MYO1F: variants seen among roughly 807,000 people sequenced by gnomAD.
MYO1F encodes unconventional myosin-If.
A neutral mutation model predicts 146.6 loss-of-function variants in MYO1F; 60 were observed. The observed-to-expected ratio is 0.41, with a 90% CI of 0.33 to 0.51. MYO1F has a LOEUF of 0.51. Among genes scored for constraint, MYO1F ranks in the 20% least tolerant of loss-of-function variants. MYO1F has a pLI of 0.25. For synonymous variants in MYO1F, 602 were observed against 602.1 expected (o/e 1.00, Z 0.00); for missense variants, 1,274 against 1,534.3 (o/e 0.83, Z 2.83).
chr19:8,572,009 C>T (rs2042119781), intron 1 of MYO1F, among the ~76,000 whole-genome samples: 1 of 152,166 alleles, frequency 6.6e-6, no homozygotes, highest in African/African-American at 2.4e-5. Flanking sequence ...AGGCGTAAGC[C>T]ACCGCGCCTG....
chr19:8,541,984 TAGG>T lies in MYO1F; in HGVS notation c.1529_1531del (p.Ser510del). 1 of 1,613,182 alleles carries T rather than the reference TAGG, an allele frequency of 6.2e-7. No homozygotes were observed. Among genetic ancestry groups the T allele is most frequent in the African/African-American group, 1.3e-5 (1 of 74,998 alleles). On this transcript the variant is annotated inframe_deletion, in exon 15 of 28. Coordinates refer to ENST00000644032, the MANE Select transcript of MYO1F (RefSeq NM_012335.4). ...CCTCTCGCAGAAGCCGCTGACGTCG[TAGG>T]AGACCTGGAGGGGACAGTGCTGAGG...
At chr19:8,540,764 A>G (rs371386719) in intron 15 of MYO1F, among the ~76,000 whole-genome samples, 9 of 151,926 alleles carry the variant, frequency 5.9e-5, no homozygotes, top group Admixed American at 2.0e-4. Context: ...AATTCTGTGA[A>G]TTTGCTAAAC....
intron 13 of MYO1F, 71 bp downstream of exon 13, chr19:8,545,579 T>TC: frequency 7.8e-7 from 1 of 1,285,608 alleles, no homozygotes. Context: ...CCCTTGGCCC[T>TC]CCCCCTCATC....
intron 1 of MYO1F, among the ~76,000 whole-genome samples, chr19:8,556,263 C>T (rs1185500176): frequency 6.6e-6 from 1 of 150,940 alleles, no homozygotes; most frequent in Non-Finnish European, 1.5e-5. Flanking sequence ...CTCCTGACTT[C>T]AAGTGATCCA....
rs1282173816 is a variant in MYO1F, at chr19:8,521,318, G to A, written c.*210C>T. ...CAGAAATGGAGAATGGGCAGCAGGT[G>A]TGATGTTGGAGGAAGACCAGGGCCC... On this transcript the variant is annotated 3_prime_UTR_variant, in exon 28 of 28. Coordinates refer to ENST00000644032, the MANE Select transcript of MYO1F (RefSeq NM_012335.4). 3.3e-6 allele frequency: 2 copies of A among 614,814 alleles called. No homozygotes were observed. The highest frequency in any genetic ancestry group is 3.7e-5 in the African/African-American group (2 of 54,560). The allele number at this position is 614,814 out of a possible 1,614,324, so 38.1% of individuals were successfully genotyped here.
intron 1 of MYO1F, among the ~76,000 whole-genome samples, chr19:8,568,660 G>C (rs914424269): frequency 6.6e-6 from 1 of 151,924 alleles, no homozygotes; most frequent in African/African-American, 2.4e-5. Flanking sequence ...GGTGGCTCAC[G>C]CCTGTAATCC....
intron 1 of MYO1F, chr19:8,576,764 T>A (rs1468848907): frequency 6.1e-6 from 1 of 162,706 alleles, no homozygotes; most frequent in African/African-American, 2.4e-5. Flanking sequence ...ATCCACCCCA[T>A]CGCTTGTTAG....
At chr19:8,568,370 C>T (rs1417615689) in intron 1 of MYO1F, among the ~76,000 whole-genome samples, 4 of 124,934 alleles carry the variant, frequency 3.2e-5, no homozygotes, top group Non-Finnish European at 6.3e-5. Context: ...TTGCAGTGAG[C>T]TGAGATGGTG....
Position 8,550,261 on chromosome 19 carries a change from T to C in MYO1F, c.1000A>G (p.Ser334Gly). The C allele has an allele frequency of 6.2e-6, 10 of 1,614,198 alleles. No individual in the cohort carries two copies. The highest frequency in any genetic ancestry group is 7.6e-6 in the Non-Finnish European group (9 of 1,180,044). Residue 334 changes from serine (S) to glycine (G), a missense_variant, in exon 10 of 28, where the codon AGC (serine) becomes GGC (glycine). By Grantham distance (56) the Ser-to-Gly change is moderately conservative. Around this residue, in one of 2 missense-constraint regions of MYO1F, gnomAD observed 900 missense variants for 1,155.1 expected, o/e 0.78. Transcript: ENST00000644032. ...RKMDSRWGGR[S>G]ESINVTLNVE... The stretch of plus-strand genomic sequence containing the variant: ...TTGAGGGTCACATTGATGGACTCGC[T>C]GCGCCCGCCCCAGCGGCTGTCCATC...
rs1973207343 is a variant in MYO1F at position 8,544,000 on chromosome 19, T to TGCTGGTGGTGGTGCTGGTGGTGGC, written c.1524+296_1524+297insGCCACCACCAGCACCACCACCAGC. 77 of 154,852 alleles carry TGCTGGTGGTGGTGCTGGTGGTGGC rather than the reference T, an allele frequency of 5.0e-4. 2 individuals carry two copies. Among genetic ancestry groups the TGCTGGTGGTGGTGCTGGTGGTGGC allele is most frequent in the Non-Finnish European group, 6.1e-4 (56 of 92,358 alleles). The allele number at this position is 154,852 out of a possible 1,614,324, so 9.6% of individuals were successfully genotyped here. On this transcript the variant is annotated intron_variant, in intron 14 of 27. Transcript: ENST00000644032. ...GTGCTGGTGCTGGTGGTGGTGCTGG[T>TGCTGGTGGTGGTGCTGGTGGTGGC]GGTGGCGGTGGCGGTGGCGGTGGCG...
Position 8,521,436 on chromosome 19 carries a change from TA to T in MYO1F, c.*91del. The T allele has an allele frequency of 7.3e-7, 1 of 1,369,684 alleles. No individual in the cohort carries two copies. 84.8% of individuals were successfully genotyped at this position (1,369,684 alleles called of 1,614,324 possible). ...GACTTTTAGGCTATTGCAGCCCAGG[TA>T]AACGAGGCTCTCATTGGCAGGGCCT... On this transcript the variant is annotated 3_prime_UTR_variant, in exon 28 of 28. Coordinates refer to ENST00000644032, the MANE Select transcript of MYO1F (RefSeq NM_012335.4).
intron 1 of MYO1F, among the ~76,000 whole-genome samples, chr19:8,571,573 C>A (rs1555731931): frequency 1.4e-5 from 2 of 147,764 alleles, no homozygotes; most frequent in Admixed American, 6.8e-5. Flanking sequence ...CGCCACCGCG[C>A]CCGGCTAATT....
intron 1 of MYO1F, among the ~76,000 whole-genome samples, chr19:8,573,966 T>C (rs1049898655): frequency 7.2e-5 from 11 of 152,102 alleles, no homozygotes; most frequent in African/African-American, 2.7e-4. Context: ...AAACCCAACA[T>C]TGAACCAGCA....
At chr19:8,543,274 T>C (rs1476850344) in intron 14 of MYO1F, among the ~76,000 whole-genome samples, 1 of 152,182 alleles carries the variant, frequency 6.6e-6, no homozygotes, top group Non-Finnish European at 1.5e-5. Flanking sequence ...GATCACTGCC[T>C]GAGAGTGTAG....
intron 19 of MYO1F, 83 bp downstream of exon 19, chr19:8,536,167 GTC>G (rs57614495): frequency 0.041 from 45,412 of 1,096,044 alleles, no homozygotes; most frequent in Non-Finnish European, 0.047. Flanking sequence ...GTCTCCCTCT[GTC>G]TCTCTCTCTC....
At position 8,525,483 on chromosome 19, in the gene MYO1F, G is replaced by A. The variant is rs745825629; in HGVS notation, c.2850C>T (p.Pro950=). ...GCAAGGGACGCAGCTCCTCACCTCT[G>A]GGGGGCGCAGGGGCCGCCCGGGTAG... is the stretch of plus-strand genomic sequence containing the variant. ...QAPTRAAPAP[P]RGMDRNGVPP... Residue 950 remains proline, a synonymous_variant, in exon 25 of 28, where the codon CCC becomes CCT. Coordinates refer to ENST00000644032, the MANE Select transcript of MYO1F (RefSeq NM_012335.4). 3.1e-6 allele frequency: 5 copies of A among 1,612,240 alleles called. No homozygotes were observed. Among genetic ancestry groups the A allele is most frequent in the South Asian group, 2.2e-5 (2 of 91,054 alleles).
chr19:8,566,505 T>C (rs1369835977), intron 1 of MYO1F, among the ~76,000 whole-genome samples: 1 of 149,694 alleles, frequency 6.7e-6, no homozygotes, highest in African/African-American at 2.4e-5. Flanking sequence ...TTTTTATTTA[T>C]TTAATTTAAT....
At chr19:8,556,460 A>G (rs1161937274) in intron 1 of MYO1F, among the ~76,000 whole-genome samples, 1 of 142,030 alleles carries the variant, frequency 7.0e-6, no homozygotes, top group Admixed American at 7.0e-5. Context: ...TGGGCAACAT[A>G]GCGAGGCCCC....
intron 12 of MYO1F, 27 bp downstream of exon 12, chr19:8,548,009 C>CCG: frequency 3.2e-6 from 5 of 1,565,476 alleles, no homozygotes; most frequent in African/African-American, 1.4e-5. Context: ...CCCAGGATCC[C>CCG]CCATCCCTGA....
Sources: allele counts gnomAD v4.1 joint callset (sites outside exome capture counted in the v4.1 genomes callset), GRCh38; gene constraint gnomAD v4.1.1; regional missense constraint gnomAD v4.1.1; transcripts MANE v1.5; gene names NCBI Gene and HGNC (gene_info 2026-07-23, HGNC 2026-07-21).